The following STX8 variants were observed in gnomAD, a reference collection of about 807,000 sequenced individuals.
The protein encoded by STX8 is syntaxin-8.
STX8 carries 23 observed loss-of-function variants against 37.5 expected under a neutral mutation model. The observed-to-expected ratio is 0.61, with a 90% CI of 0.44 to 0.87. The LOEUF is 0.87. Ranked by LOEUF, STX8 falls within the 40% of genes least tolerant of loss-of-function variation. The pLI, the probability that STX8 is intolerant of heterozygous loss-of-function variation, is 0.00. For missense variants in STX8, 313 were observed against 284.7 expected, an observed-to-expected ratio of 1.10 and a Z score of -0.71; for synonymous variants, 115 against 99.1, an observed-to-expected ratio of 1.16 and a Z score of -0.95.
At chr17:9,553,883 T>C (rs1448716407) in intron 3 of STX8, 1 of 152,226 alleles carries the variant, frequency 6.6e-6, no homozygotes, top group African/African-American at 2.4e-5. Flanking sequence ...CAGCCTGTGT[T>C]TGAACCTGGC....
chr17:9,421,158 C>T (rs898883564), intron 6 of STX8, among the ~76,000 whole-genome samples: 11 of 151,890 alleles, frequency 7.2e-5, no homozygotes, highest in Non-Finnish European at 1.2e-4. Context: ...TTTGGGAGGC[C>T]GAGGCGGGCG....
At chr17:9,295,419 AGAAAT>A (rs1272520307) in intron 7 of STX8, among the ~76,000 whole-genome samples, 1 of 152,242 alleles carries the variant, frequency 6.6e-6, no homozygotes, top group Admixed American at 6.5e-5. Context: ...GACAAATTAA[AGAAAT>A]GAACAAATCT....
intron 3 of STX8, 87 bp from the exon 4 acceptor site, chr17:9,545,369 TG>T (rs1378344923): frequency 1.0e-6 from 1 of 1,004,584 alleles, no homozygotes; most frequent in Non-Finnish European, 1.5e-6. Context: ...AAGTCAGTTG[TG>T]GCTTTTACAG....
intron 6 of STX8, among the ~76,000 whole-genome samples, chr17:9,382,180 C>T (rs1480183985): frequency 6.6e-6 from 1 of 151,740 alleles, no homozygotes; most frequent in East Asian, 1.9e-4. Flanking sequence ...CTCACACACA[C>T]ACACACACAC....
At chr17:9,501,276 C>T (rs574506968) in intron 5 of STX8, among the ~76,000 whole-genome samples, 41 of 152,172 alleles carry the variant, frequency 2.7e-4, no homozygotes, top group South Asian at 8.3e-4. Flanking sequence ...TAAAAATAAA[C>T]GAAGCTGGAT....
intron 6 of STX8, among the ~76,000 whole-genome samples, chr17:9,384,221 G>C (rs576988089): frequency 6.7e-6 from 1 of 149,284 alleles, no homozygotes. Flanking sequence ...GACAGATATC[G>C]TACAGAATTT....
chr17:9,487,505 T>C (rs1361879539), intron 6 of STX8, among the ~76,000 whole-genome samples: 1 of 152,150 alleles, frequency 6.6e-6, no homozygotes, highest in African/African-American at 2.4e-5. Context: ...TACTTTTTTA[T>C]CCTCAGAGAG....
intron 6 of STX8, among the ~76,000 whole-genome samples, chr17:9,458,028 A>G (rs1321617475): frequency 6.6e-6 from 1 of 152,258 alleles, no homozygotes; most frequent in African/African-American, 2.4e-5. Flanking sequence ...ACTTATAACT[A>G]AAGGTCCAGT....
intron 7 of STX8, among the ~76,000 whole-genome samples, chr17:9,352,308 T>A (rs1160441373): frequency 6.6e-6 from 1 of 152,186 alleles, no homozygotes; most frequent in East Asian, 1.9e-4. Context: ...CAGACTGTGG[T>A]TATCCTGCTT....
intron 7 of STX8, among the ~76,000 whole-genome samples, chr17:9,302,934 G>A (rs1250648044): frequency 6.8e-6 from 1 of 148,062 alleles, no homozygotes; most frequent in East Asian, 2.0e-4. Flanking sequence ...AGAACTCACA[G>A]AATTGGTCAC....
intron 4 of STX8, among the ~76,000 whole-genome samples, chr17:9,521,105 A>T (rs2099620328): frequency 6.6e-6 from 1 of 152,210 alleles, no homozygotes; most frequent in African/African-American, 2.4e-5. Context: ...CAGAGGCTCA[A>T]ATTTCAATTA....
intron 7 of STX8, among the ~76,000 whole-genome samples, chr17:9,365,334 T>A (rs557773734): frequency 2.0e-5 from 3 of 152,264 alleles, no homozygotes; most frequent in Non-Finnish European, 4.4e-5. Context: ...CCACTGGAGA[T>A]AATCCCAGCT....
At chr17:9,388,323 C>T (rs1011700935) in intron 6 of STX8, among the ~76,000 whole-genome samples, 10 of 151,342 alleles carry the variant, frequency 6.6e-5, no homozygotes, top group African/African-American at 2.4e-4. Context: ...CCACTCACCT[C>T]TGTCTCCCAA....
intron 5 of STX8, among the ~76,000 whole-genome samples, chr17:9,503,222 A>G (rs1904690267): frequency 2.0e-5 from 3 of 152,110 alleles, no homozygotes; most frequent in African/African-American, 7.2e-5. Context: ...CAAAAGGTAC[A>G]TACTGTATAG....
At chr17:9,256,545 C>A (rs1326808236) in intron 7 of STX8, among the ~76,000 whole-genome samples, 4 of 152,244 alleles carry the variant, frequency 2.6e-5, no homozygotes, top group Admixed American at 2.6e-4. Context: ...CAAACCCTCA[C>A]CTGCTCCCTG....
At chr17:9,545,793 CT>C (rs1476605051) in intron 3 of STX8, among the ~76,000 whole-genome samples, 1 of 152,208 alleles carries the variant, frequency 6.6e-6, no homozygotes, top group Non-Finnish European at 1.5e-5. Context: ...GCTGGCCAGG[CT>C]GGTCTCGAAC....
intron 6 of STX8, among the ~76,000 whole-genome samples, chr17:9,454,709 G>C: frequency 6.6e-6 from 1 of 150,860 alleles, no homozygotes; most frequent in Non-Finnish European, 1.5e-5. Context: ...CTTATGAATT[G>C]TTTTTCCTGC....
chr17:9,524,517 G>T (rs1407650871), intron 4 of STX8, among the ~76,000 whole-genome samples: 1 of 152,096 alleles, frequency 6.6e-6, no homozygotes, highest in Non-Finnish European at 1.5e-5. Flanking sequence ...TTCCCCGAAG[G>T]TCCCACCTCT....
In STX8 at chr17:9,472,070, CTT is replaced by C. The variant is rs11364559; in HGVS notation, c.541+19757_541+19758del. On this transcript the variant is annotated intron_variant, in intron 6 of 7. Coordinates refer to ENST00000306357, the MANE Select transcript of STX8 (RefSeq NM_004853.3). ...AAAAACAACTCATCCTGGTAGATTC[CTT>C]TTTTTTTTTTTTTTCAAAAGAAAAA... 3.2e-3 allele frequency among the ~76,000 whole-genome samples: 447 copies of C among 139,878 alleles called. 4 individuals carry two copies. The highest frequency in any genetic ancestry group is 9.7e-3 in the African/African-American group (368 of 38,000). 91.8% of individuals were successfully genotyped at this position (139,878 alleles called of 152,430 possible).
Sources: allele counts gnomAD v4.1 joint callset (sites outside exome capture counted in the v4.1 genomes callset), GRCh38; gene constraint gnomAD v4.1.1; transcripts MANE v1.5; gene names NCBI Gene and HGNC (gene_info 2026-07-23, HGNC 2026-07-21).